The following ITGAV variants were observed in gnomAD, a reference collection of about 807,000 sequenced individuals.
ITGAV encodes the protein integrin alpha-V.
In ITGAV, 76 loss-of-function variants were observed where a neutral mutation model predicts 143.8. The observed-to-expected ratio is 0.53, with a 90% CI of 0.44 to 0.64. ITGAV has a LOEUF of 0.64. Among genes scored for constraint, ITGAV ranks in the 30% least tolerant of loss-of-function variants. ITGAV has a pLI of 0.00. For synonymous variants in ITGAV, 453 were observed against 446.7 expected (o/e 1.01, Z -0.18); for missense variants, 1,193 against 1,274.7 (o/e 0.94, Z 0.98).
intron 2 of ITGAV, among the ~76,000 whole-genome samples, chr2:186,621,581 G>A (rs377135747): frequency 2.2e-4 from 33 of 152,062 alleles, no homozygotes; most frequent in African/African-American, 8.0e-4. Flanking sequence ...TCTTGCATTC[G>A]GTCGACATGT....
At chr2:186,650,243 A>G (rs1388663936) in intron 14 of ITGAV, among the ~76,000 whole-genome samples, 1 of 152,168 alleles carries the variant, frequency 6.6e-6, no homozygotes, top group Non-Finnish European at 1.5e-5. Context: ...CTTTGGAGAC[A>G]GAGTTTCAGT....
rs1160859785 is a variant in ITGAV, at chr2:186,665,110, T to G, written c.2074-16T>G. On this transcript the variant is annotated splice_polypyrimidine_tract_variant and intron_variant, in intron 20 of 29. Transcript: ENST00000261023. ...CTTTCATATCCATTTTTTTTTTTTT[T>G]TTTGGTCTATCAAAGGCCTTAGCAA... 1 of 1,463,992 alleles carries G rather than the reference T, an allele frequency of 6.8e-7. No homozygotes were observed. Among genetic ancestry groups the G allele is most frequent in the Non-Finnish European group, 9.3e-7 (1 of 1,073,402 alleles). 90.7% of individuals were successfully genotyped at this position (1,463,992 alleles called of 1,614,324 possible). A position where few individuals can be genotyped will look rare whatever the true frequency, so the allele number is the denominator to read the frequency against.
At chr2:186,630,905 A>G (rs1420116123) in intron 5 of ITGAV, 47 bp downstream of exon 5, 3 of 1,022,728 alleles carry the variant, frequency 2.9e-6, no homozygotes, top group African/African-American at 1.6e-5. Context: ...TACCTTATTG[A>G]CTAGACTGTG....
chr2:186,625,527 G>A lies in ITGAV; in HGVS notation c.463G>A (p.Val155Ile). 6.2e-7 allele frequency: 1 copy of A among 1,614,000 alleles called. No individual in the cohort carries two copies. Among genetic ancestry groups the A allele is most frequent in the South Asian group, 1.1e-5 (1 of 91,050 alleles). The change falls in exon 4 of 30, where the codon GTT becomes ATT. Residue 155 changes from valine (V) to isoleucine (I), a missense_variant. Physicochemically the swap from Val to Ile is conservative, Grantham distance 29. Transcript: ENST00000261023. ...RTEMKQEREPVGTCFLQDGTK... is the reference protein window; with the variant it reads ...RTEMKQEREPIGTCFLQDGTK... ...TGAGATGAAACAGGAGCGAGAGCCT[G>A]TTGGAACATGCTTTCTTCAAGATGG...
Position 186,592,336 on chromosome 2 carries a change from G to A in ITGAV, c.185+1813G>A, listed in dbSNP as rs1035236042. 5.3e-5 allele frequency among the ~76,000 whole-genome samples: 8 copies of A among 152,280 alleles called. 1 individual carries two copies. The South Asian group carries it at 1.2e-3, about 24-fold the overall frequency. The stretch of plus-strand genomic sequence containing the variant: ...CACCTGTAATCCTCGCTCTGCGGGA[G>A]GCTGAGATGAGAGGATTGCTTGGAA... On this transcript the variant is annotated intron_variant, in intron 1 of 29. Transcript: ENST00000261023.
intron 4 of ITGAV, among the ~76,000 whole-genome samples, chr2:186,627,437 T>G (rs2105692863): frequency 6.6e-6 from 1 of 152,348 alleles, no homozygotes; most frequent in South Asian, 2.1e-4. Flanking sequence ...CCTGCTTTCA[T>G]GACCTAGGTT....
chr2:186,672,156 G>C (rs962414998), intron 26 of ITGAV, among the ~76,000 whole-genome samples: 1 of 151,972 alleles, frequency 6.6e-6, no homozygotes, highest in African/African-American at 2.4e-5. Flanking sequence ...GTTTCACCAT[G>C]TTAGCCAGGA....
chr2:186,669,946 CCT>C, intron 26 of ITGAV, 132 bp downstream of exon 26: 1 of 664,040 alleles, frequency 1.5e-6, no homozygotes. Context: ...ACCATGCATT[CCT>C]CTCACTTTCC....
Position 186,600,662 on chromosome 2 carries a change from T to A in ITGAV, c.186-1359T>A, listed in dbSNP as rs996263863. ...AGGGAATGTAAGCTAAATTCCTCCATTAAGAGCAGGAATCAGCCAAGCACA... is the reference window on the plus strand; with the variant it reads ...AGGGAATGTAAGCTAAATTCCTCCAATAAGAGCAGGAATCAGCCAAGCACA... On this transcript the variant is annotated intron_variant, in intron 1 of 29. Coordinates refer to ENST00000261023, the MANE Select transcript of ITGAV (RefSeq NM_002210.5). Among the ~76,000 whole-genome samples, 13 of 144,940 alleles carry A rather than the reference T, an allele frequency of 9.0e-5. 1 individual carries two copies. The highest frequency in any genetic ancestry group is 1.8e-4 in the Non-Finnish European group (12 of 65,720).
At chr2:186,629,385 A>T (rs190860205) in intron 4 of ITGAV, among the ~76,000 whole-genome samples, 1 of 151,998 alleles carries the variant, frequency 6.6e-6, no homozygotes, top group African/African-American at 2.4e-5. Flanking sequence ...AATAGCTTGA[A>T]ATAGTTCCCC....
intron 26 of ITGAV, among the ~76,000 whole-genome samples, chr2:186,673,897 T>G (rs1181634229): frequency 6.6e-6 from 1 of 152,146 alleles, no homozygotes; most frequent in African/African-American, 2.4e-5. Context: ...CTCGAACTCC[T>G]GACCTCAGGT....
At chr2:186,640,071 G>A (rs987357854) in intron 10 of ITGAV, among the ~76,000 whole-genome samples, 1 of 152,158 alleles carries the variant, frequency 6.6e-6, no homozygotes, top group Non-Finnish European at 1.5e-5. Flanking sequence ...TCAAATTTGA[G>A]AAGCATTGCT....
chr2:186,642,151 G>A (rs549860643), intron 12 of ITGAV, among the ~76,000 whole-genome samples: 20 of 152,168 alleles, frequency 1.3e-4, no homozygotes, highest in South Asian at 8.3e-4. Context: ...AATAGTTGTC[G>A]ATATCTTTAA....
chr2:186,676,986 A>T, intron 29 of ITGAV, 51 bp downstream of exon 29: 6 of 1,573,828 alleles, frequency 3.8e-6, no homozygotes, highest in Non-Finnish European at 4.4e-6. Flanking sequence ...AAGAAAAGGG[A>T]AAGGGAAGAA....
At chr2:186,632,938 G>A (rs1418585850) in intron 5 of ITGAV, among the ~76,000 whole-genome samples, 1 of 151,832 alleles carries the variant, frequency 6.6e-6, no homozygotes, top group East Asian at 1.9e-4. Context: ...CTGAAACTGA[G>A]TTAGATGAAT....
At chr2:186,617,519 A>G (rs961873395) in intron 2 of ITGAV, among the ~76,000 whole-genome samples, 2 of 152,216 alleles carry the variant, frequency 1.3e-5, no homozygotes, top group African/African-American at 4.8e-5. Flanking sequence ...CAAAATAAAC[A>G]TGAAATTTTC....
At chr2:186,645,218 G>A (rs1329756686) in intron 12 of ITGAV, among the ~76,000 whole-genome samples, 2 of 152,158 alleles carry the variant, frequency 1.3e-5, no homozygotes, top group African/African-American at 4.8e-5. Flanking sequence ...GTAGGGGGTC[G>A]AGAGGGGTGG....
chr2:186,636,873 T>G (rs375862841), intron 7 of ITGAV, among the ~76,000 whole-genome samples, 192 bp from the exon 8 acceptor site: 1 of 152,152 alleles, frequency 6.6e-6, no homozygotes, highest in Non-Finnish European at 1.5e-5. Flanking sequence ...AAAAATAGAC[T>G]ATTTGAGTAT....
At chr2:186,644,269 C>T (rs1688186923) in intron 12 of ITGAV, among the ~76,000 whole-genome samples, 1 of 151,384 alleles carries the variant, frequency 6.6e-6, no homozygotes, top group African/African-American at 2.4e-5. Flanking sequence ...TTTATTAATG[C>T]ATATGTCAGT....
Sources: gnomAD v4.1 joint callset for allele counts (sites outside exome capture counted in the v4.1 genomes callset) on GRCh38, gnomAD v4.1.1 for gene constraint, MANE v1.5 for transcripts, NCBI Gene and HGNC (gene_info 2026-07-23, HGNC 2026-07-21) for gene names.